SPIDR: variants seen among roughly 807,000 people sequenced by gnomAD.
The protein encoded by SPIDR is scaffold protein involved in DNA repair.
Under a neutral mutation model 104.6 loss-of-function variants are expected in SPIDR, and 93 were observed. The observed-to-expected ratio is 0.89, with a 90% CI of 0.75 to 1.06. The LOEUF is 1.06. Ranked by LOEUF, SPIDR falls within the 50% of genes least tolerant of loss-of-function variation. The probability of loss-of-function intolerance (pLI) is 0.00; values close to 1 mark genes in which losing one functional copy is unlikely to be tolerated. For synonymous variants in SPIDR, 431 were observed against 416.9 expected (o/e 1.03, Z -0.41); for missense variants, 1,154 against 1,111.2 (o/e 1.04, Z -0.55).
intron 8 of SPIDR, among the ~76,000 whole-genome samples, chr8:47,499,879 G>A (rs894409070): frequency 3.9e-5 from 6 of 151,926 alleles, no homozygotes; most frequent in Non-Finnish European, 5.9e-5. Context: ...ACCTATGAGT[G>A]AGAACATGCA....
intron 10 of SPIDR, among the ~76,000 whole-genome samples, chr8:47,615,633 G>T (rs765164874): frequency 1.3e-5 from 2 of 151,916 alleles, no homozygotes; most frequent in Non-Finnish European, 2.9e-5. Flanking sequence ...CACTGTAATG[G>T]ACATCTCCAC....
At chr8:47,654,204 G>T (rs879784630) in intron 10 of SPIDR, 25 of 1,278,766 alleles carry the variant, frequency 2.0e-5, no homozygotes, top group Non-Finnish European at 2.6e-5. Flanking sequence ...GCAGCAACCT[G>T]CAGGAGGGGT....
chr8:47,597,563 T>C (rs928095721), intron 9 of SPIDR, among the ~76,000 whole-genome samples: 1 of 152,250 alleles, frequency 6.6e-6, no homozygotes, highest in African/African-American at 2.4e-5. Context: ...AGCATCATTA[T>C]ACAGTGCATG....
At chr8:47,507,285 A>G (rs143779108) in intron 8 of SPIDR, among the ~76,000 whole-genome samples, 2 of 152,332 alleles carry the variant, frequency 1.3e-5, no homozygotes, top group East Asian at 3.9e-4. Flanking sequence ...ATGTGCCCAT[A>G]AAGCGTCTTC....
rs1586911710 is a variant in SPIDR at position 47,511,163 on chromosome 8, C to T, written c.1097+70621C>T. The T allele has an allele frequency of 2.6e-6, 4 of 1,562,546 alleles. No individual in the cohort carries two copies. In the African/African-American group the frequency reaches 4.1e-5, roughly 16 times the overall value. On this transcript the variant is annotated intron_variant, in intron 8 of 19. Transcript: ENST00000297423. Reference sequence around the variant, plus strand: ...CTGGTGGCAGCCATGGCTGGCCGGGCATCCACAATGAAGAGTTGGATGTTG... The same window carrying T: ...CTGGTGGCAGCCATGGCTGGCCGGGTATCCACAATGAAGAGTTGGATGTTG...
At chr8:47,309,073 CCT>C (rs1284680209) in intron 5 of SPIDR, among the ~76,000 whole-genome samples, 4 of 152,212 alleles carry the variant, frequency 2.6e-5, no homozygotes, top group Non-Finnish European at 5.9e-5. Flanking sequence ...TTCCCAGAAT[CCT>C]CTGATTGCGT....
intron 5 of SPIDR, among the ~76,000 whole-genome samples, chr8:47,298,175 C>T (rs1282977093): frequency 3.3e-5 from 5 of 152,122 alleles, no homozygotes; most frequent in Non-Finnish European, 5.9e-5. Context: ...TGGTATCTCA[C>T]CGTGGTTTTG....
At chr8:47,648,404 A>G (rs2070969529) in intron 10 of SPIDR, among the ~76,000 whole-genome samples, 1 of 152,244 alleles carries the variant, frequency 6.6e-6, no homozygotes. Flanking sequence ...AAATACCAAA[A>G]GGGAGAAAAG....
intron 5 of SPIDR, among the ~76,000 whole-genome samples, chr8:47,312,561 G>A (rs2044407011): frequency 1.3e-5 from 2 of 152,018 alleles, no homozygotes; most frequent in African/African-American, 2.4e-5. Flanking sequence ...ACTTTTTGAT[G>A]GGGTTGTTTG....
chr8:47,262,655 A>G lies in SPIDR; in HGVS notation c.33+1664A>G, dbSNP rs150619120. 3.8e-3 allele frequency among the ~76,000 whole-genome samples: 580 copies of G among 152,308 alleles called. 3 individuals carry two copies. Among genetic ancestry groups the G allele is most frequent in the South Asian group, 0.022 (107 of 4,830 alleles). On this transcript the variant is annotated intron_variant, in intron 1 of 19. Transcript: ENST00000297423. Reference sequence around the variant, plus strand: ...TCGGTCCCCGTGTCTTTTATAGCCTAAACTCAGAAGTGACATCCCATCTCC... The same window carrying G: ...TCGGTCCCCGTGTCTTTTATAGCCTGAACTCAGAAGTGACATCCCATCTCC...
intron 8 of SPIDR, among the ~76,000 whole-genome samples, chr8:47,580,788 ATG>A (rs750532585): frequency 1.8e-4 from 28 of 152,174 alleles, no homozygotes; most frequent in Non-Finnish European, 3.5e-4. Flanking sequence ...GTAAATGTGA[ATG>A]TGTGTTTATC....
intron 8 of SPIDR, among the ~76,000 whole-genome samples, chr8:47,507,205 A>C (rs2081614873): frequency 6.6e-6 from 1 of 152,144 alleles, no homozygotes. Flanking sequence ...GGTCAATGTA[A>C]GTTCTGATTC....
chr8:47,419,746 G>A (rs1189694666), intron 7 of SPIDR, among the ~76,000 whole-genome samples: 4 of 152,068 alleles, frequency 2.6e-5, no homozygotes, highest in Admixed American at 6.5e-5. Flanking sequence ...GCTTTCTCTT[G>A]TGGGCATTTA....
intron 10 of SPIDR, among the ~76,000 whole-genome samples, chr8:47,611,706 A>AG (rs1379779003): frequency 6.6e-6 from 1 of 152,194 alleles, no homozygotes; most frequent in East Asian, 1.9e-4. Flanking sequence ...TCAAAAAAAA[A>AG]AGAAAATAGA....
Position 47,293,839 on chromosome 8 carries a change from TAAGC to T in SPIDR, c.362-24_362-21del, listed in dbSNP as rs2040373578. 5.1e-6 allele frequency: 8 copies of T among 1,581,796 alleles called. No individual in the cohort carries two copies. In the Admixed American group the frequency reaches 8.7e-5, roughly 17 times the overall value. ...AAAAGTGAAAGATTAAGGAGATAAT[TAAGC>T]AAGTTAAAAATTATATTTTTTAGAT... On this transcript the variant is annotated intron_variant, in intron 4 of 19. Transcript: ENST00000297423.
chr8:47,667,520 G>A (rs2075140793), intron 10 of SPIDR, among the ~76,000 whole-genome samples: 1 of 150,548 alleles, frequency 6.6e-6, no homozygotes, highest in Non-Finnish European at 1.5e-5. Context: ...GCTGAAGTAG[G>A]ATAGCTTGAG....
intron 8 of SPIDR, among the ~76,000 whole-genome samples, chr8:47,561,033 TGTG>T (rs1315141436): frequency 6.6e-6 from 1 of 152,176 alleles, no homozygotes; most frequent in African/African-American, 2.4e-5. Context: ...GCTTCAAACT[TGTG>T]GTAATAATAG....
intron 5 of SPIDR, among the ~76,000 whole-genome samples, chr8:47,326,142 A>G (rs781970089): frequency 6.6e-6 from 1 of 152,148 alleles, no homozygotes; most frequent in Non-Finnish European, 1.5e-5. Flanking sequence ...CTAGTGGTGC[A>G]TGCCACCACG....
chr8:47,567,786 T>C (rs548621181), intron 8 of SPIDR, among the ~76,000 whole-genome samples: 195 of 135,278 alleles, frequency 1.4e-3, no homozygotes, highest in South Asian at 2.8e-3. Context: ...TTTTCTTTTT[T>C]TTTTTTTTTT....
Sources: allele counts gnomAD v4.1 joint callset (sites outside exome capture counted in the v4.1 genomes callset), GRCh38; gene constraint gnomAD v4.1.1; transcripts MANE v1.5; gene names NCBI Gene and HGNC (gene_info 2026-07-23, HGNC 2026-07-21).